Variants in COL13A1 observed in about 807,000 individuals in gnomAD.
COL13A1 encodes the protein collagen type XIII alpha 1 chain.
Under a neutral mutation model 130.9 loss-of-function variants are expected in COL13A1, and 89 were observed. The ratio of observed to expected loss-of-function variants is 0.68; its 90% confidence interval spans 0.57 to 0.81. COL13A1 has a LOEUF of 0.81. Among genes scored for constraint, COL13A1 ranks in the 30% least tolerant of loss-of-function variants. The pLI is 0.00. For synonymous variants in COL13A1, 402 were observed against 341.6 expected (o/e 1.18, Z -1.95); for missense variants, 879 against 934.6 (o/e 0.94, Z 0.78).
At chr10:69,908,774 C>A (rs1447168539) in intron 17 of COL13A1, among the ~76,000 whole-genome samples, 1 of 152,182 alleles carries the variant, frequency 6.6e-6, no homozygotes, top group Non-Finnish European at 1.5e-5. Context: ...GGGAGCACTT[C>A]CGGTCCCCAG....
intron 28 of COL13A1, 80 bp from the exon 29 acceptor site, chr10:69,929,963 C>A: frequency 8.6e-7 from 1 of 1,165,122 alleles, no homozygotes; most frequent in Non-Finnish European, 1.3e-6. Context: ...GAGTGGGATG[C>A]CGGGTGCACT....
intron 1 of COL13A1, 53 bp from the exon 2 acceptor site, chr10:69,822,316 G>C (rs1462712399): frequency 7.0e-7 from 1 of 1,431,516 alleles, no homozygotes; most frequent in Non-Finnish European, 9.4e-7. Flanking sequence ...TGCTTTCCAG[G>C]GCTTGGTGTC....
intron 2 of COL13A1, among the ~76,000 whole-genome samples, chr10:69,839,819 G>A (rs60582426): frequency 0.15 from 22,514 of 152,134 alleles, 1,719 homozygotes; most frequent in Non-Finnish European, 0.16. Context: ...CAGGGAGGGC[G>A]CGGGCCAGTC....
At chr10:69,884,431 C>G (rs993135131) in intron 7 of COL13A1, among the ~76,000 whole-genome samples, 1 of 152,172 alleles carries the variant, frequency 6.6e-6, no homozygotes, top group African/African-American at 2.4e-5. Flanking sequence ...TGCCCCTGGG[C>G]AGAGACACAA....
intron 5 of COL13A1, chr10:69,877,703 A>T (rs61856608): frequency 0.23 from 4,114 of 17,864 alleles, 37 homozygotes; most frequent in Admixed American, 0.29. Flanking sequence ...TCTCTCTCAC[A>T]CACACACACA....
At chr10:69,809,259 C>T (rs530087370) in intron 1 of COL13A1, among the ~76,000 whole-genome samples, 1 of 152,338 alleles carries the variant, frequency 6.6e-6, no homozygotes, top group South Asian at 2.1e-4. Context: ...TGGCTAATGG[C>T]AACTGTAACC....
chr10:69,812,742 T>C (rs903113840), intron 1 of COL13A1, among the ~76,000 whole-genome samples: 1 of 152,264 alleles, frequency 6.6e-6, no homozygotes, highest in African/African-American at 2.4e-5. Context: ...TTGAAAGTAA[T>C]GGCAAAAACT....
In COL13A1 at chr10:69,820,027, G is replaced by A. The variant is rs972402867; in HGVS notation, c.295-2342G>A. Among the ~76,000 whole-genome samples, 35 of 152,112 alleles carry A rather than the reference G, an allele frequency of 2.3e-4. No homozygotes were observed. In the Middle Eastern group the frequency reaches 0.01, roughly 45 times the overall value. ...CATTTTCTTACTTCCTCCAAATACC[G>A]CATGACTCATTTTCTTACCTTCCTC... On this transcript the variant is annotated intron_variant, in intron 1 of 40. Coordinates refer to ENST00000645393, the MANE Select transcript of COL13A1 (RefSeq NM_001368882.1).
chr10:69,854,600 A>C, intron 2 of COL13A1, among the ~76,000 whole-genome samples: 1 of 151,128 alleles, frequency 6.6e-6, no homozygotes, highest in Admixed American at 6.6e-5. Flanking sequence ...TCTGCTTGTC[A>C]CCAGACTCTG....
At chr10:69,832,758 G>T (rs538028265) in intron 2 of COL13A1, among the ~76,000 whole-genome samples, 1 of 152,238 alleles carries the variant, frequency 6.6e-6, no homozygotes, top group African/African-American at 2.4e-5. Context: ...AGAAAGACTC[G>T]CCCTCCTTCG....
At chr10:69,804,424 T>C (rs1339687854) in intron 1 of COL13A1, among the ~76,000 whole-genome samples, 1 of 152,028 alleles carries the variant, frequency 6.6e-6, no homozygotes, top group Non-Finnish European at 1.5e-5. Flanking sequence ...GGCTAACTAT[T>C]GTATCCGACA....
At chr10:69,911,153 C>T (rs2063338314) in intron 17 of COL13A1, among the ~76,000 whole-genome samples, 1 of 152,124 alleles carries the variant, frequency 6.6e-6, no homozygotes, top group Non-Finnish European at 1.5e-5. Context: ...AGCCCACCCA[C>T]CCAGCCATCT....
Position 69,895,121 on chromosome 10 carries a change from C to T in COL13A1, c.657+420C>T, listed in dbSNP as rs188028824. 2.0e-3 allele frequency among the ~76,000 whole-genome samples: 306 copies of T among 152,322 alleles called. 5 individuals carry two copies. The highest frequency in any genetic ancestry group is 7.9e-4 in the Non-Finnish European group (54 of 68,018). On this transcript the variant is annotated intron_variant, in intron 12 of 40. Transcript: ENST00000645393. ...GACACTGCTGTGCTTGCCCTTGGGC[C>T]GCTGGTACAGGGGCCTGGCGCTCCC...
chr10:69,895,656 G>C (rs1422321174), intron 13 of COL13A1, 80 bp downstream of exon 13: 1 of 1,489,594 alleles, frequency 6.7e-7, no homozygotes, highest in Non-Finnish European at 9.4e-7. Context: ...CATCTCCCTG[G>C]GGTCTCCAGT....
intron 2 of COL13A1, among the ~76,000 whole-genome samples, chr10:69,859,537 C>A (rs1285701847): frequency 6.6e-6 from 1 of 152,262 alleles, no homozygotes; most frequent in Non-Finnish European, 1.5e-5. Flanking sequence ...CAGGGCCTTG[C>A]ACAGGAACAC....
At chr10:69,880,385 C>T (rs1185983923) in intron 6 of COL13A1, 118 bp from the exon 7 acceptor site, 2 of 724,124 alleles carry the variant, frequency 2.8e-6, no homozygotes, top group South Asian at 1.5e-5. Flanking sequence ...TCCCATGGGG[C>T]CGGCCTCCTG....
intron 31 of COL13A1, among the ~76,000 whole-genome samples, chr10:69,933,193 A>G (rs2066387888): frequency 6.7e-6 from 1 of 148,228 alleles, no homozygotes; most frequent in African/African-American, 2.5e-5. Context: ...ACAGCTCACA[A>G]TACCCCATAA....
intron 27 of COL13A1, 74 bp downstream of exon 27, chr10:69,927,184 T>C: frequency 6.2e-7 from 1 of 1,601,564 alleles, no homozygotes; most frequent in South Asian, 1.1e-5. Context: ...GAAGCAAGGA[T>C]TTGATTTCTC....
chr10:69,856,307 A>G (rs1302454718), intron 2 of COL13A1, among the ~76,000 whole-genome samples: 3 of 152,308 alleles, frequency 2.0e-5, no homozygotes, highest in Admixed American at 6.5e-5. Context: ...AGTCCATTTT[A>G]GGCACACAGG....
Sources: allele counts gnomAD v4.1 joint callset (sites outside exome capture counted in the v4.1 genomes callset), GRCh38; gene constraint gnomAD v4.1.1; transcripts MANE v1.5; gene names NCBI Gene and HGNC (gene_info 2026-07-23, HGNC 2026-07-21).